Variants in EIPR1 observed in about 807,000 individuals in gnomAD.
The protein encoded by EIPR1 is EARP and GARP complex-interacting protein 1.
Under a neutral mutation model 48.1 loss-of-function variants are expected in EIPR1, and 25 were observed. The observed-to-expected ratio is 0.52, with a 90% CI of 0.38 to 0.73. EIPR1 has a LOEUF of 0.73. Ranked by LOEUF, EIPR1 falls within the 30% of genes least tolerant of loss-of-function variation. The probability of loss-of-function intolerance (pLI) is 0.00; values close to 1 mark genes in which losing one functional copy is unlikely to be tolerated. For synonymous variants in EIPR1, 204 were observed against 201.9 expected, an observed-to-expected ratio of 1.01 and a Z score of -0.09; for missense variants, 415 against 506.2, an observed-to-expected ratio of 0.82 and a Z score of 1.73.
intron 3 of EIPR1, among the ~76,000 whole-genome samples, chr2:3,264,802 C>T (rs1667437908): frequency 6.6e-6 from 1 of 152,198 alleles, no homozygotes; most frequent in Non-Finnish European, 1.5e-5. Flanking sequence ...ATTCTCCTGC[C>T]TCAGCCTCCT....
At chr2:3,190,283 A>C (rs1362670573) in intron 8 of EIPR1, among the ~76,000 whole-genome samples, 1 of 152,140 alleles carries the variant, frequency 6.6e-6, no homozygotes, top group Non-Finnish European at 1.5e-5. Context: ...TTTACTTCCC[A>C]TTTCACAAAA....
chr2:3,208,889 C>T, intron 5 of EIPR1: 6 of 1,549,210 alleles, frequency 3.9e-6, no homozygotes, highest in Non-Finnish European at 5.2e-6. Flanking sequence ...CCCACAAGGC[C>T]TCCAGCCTGG....
intron 5 of EIPR1, chr2:3,208,658 C>T (rs1279762460): frequency 6.4e-7 from 1 of 1,550,660 alleles, no homozygotes; most frequent in Non-Finnish European, 8.7e-7. Context: ...ATATGGCTGA[C>T]TTCTTGCAGT....
intron 5 of EIPR1, among the ~76,000 whole-genome samples, chr2:3,201,629 G>C (rs1260468450): frequency 6.6e-6 from 1 of 152,184 alleles, no homozygotes; most frequent in Non-Finnish European, 1.5e-5. Flanking sequence ...GAGCCAAGGA[G>C]AGGGTCCCCC....
At chr2:3,257,245 C>T (rs961315225) in intron 4 of EIPR1, 54 bp downstream of exon 4, 1 of 1,570,804 alleles carries the variant, frequency 6.4e-7, no homozygotes. Context: ...CAAGCTCCTG[C>T]ACCTGGCCAA....
intron 3 of EIPR1, among the ~76,000 whole-genome samples, chr2:3,307,733 T>C (rs1488027909): frequency 1.3e-5 from 2 of 152,242 alleles, no homozygotes; most frequent in Non-Finnish European, 2.9e-5. Flanking sequence ...TGGTGAATGG[T>C]ATAAACATAG....
chr2:3,348,098 A>C (rs1670458732), intron 2 of EIPR1, among the ~76,000 whole-genome samples: 1 of 152,186 alleles, frequency 6.6e-6, no homozygotes, highest in Non-Finnish European at 1.5e-5. Flanking sequence ...AGTTGTCACC[A>C]ATCAGAGGCG....
intron 3 of EIPR1, among the ~76,000 whole-genome samples, chr2:3,289,754 C>T (rs1267337265): frequency 6.6e-6 from 1 of 152,232 alleles, no homozygotes; most frequent in Non-Finnish European, 1.5e-5. Flanking sequence ...ATACGCAATT[C>T]ACACTTAGTG....
Position 3,227,157 on chromosome 2 carries a change from C to CAAA in EIPR1, c.417-12910_417-12909insTTT, listed in dbSNP as rs1553283695. On this transcript the variant is annotated intron_variant, in intron 4 of 8. Transcript: ENST00000382125. Reference sequence around the variant, plus strand: ...AGAGGTTGGAACAGTTTGGAGAGCTCAGAAGACAGGAAAATGTGGAAAAGT... The same window carrying CAAA: ...AGAGGTTGGAACAGTTTGGAGAGCTCAAAAGAAGACAGGAAAATGTGGAAAAGT... Among the ~76,000 whole-genome samples the CAAA allele has an allele frequency of 6.2e-3, 938 of 152,022 alleles. 7 individuals carry two copies. Among genetic ancestry groups the CAAA allele is most frequent in the Non-Finnish European group, 0.011 (760 of 67,976 alleles).
chr2:3,209,233 A>G (rs886698945), intron 5 of EIPR1, among the ~76,000 whole-genome samples: 14 of 151,964 alleles, frequency 9.2e-5, no homozygotes, highest in African/African-American at 3.1e-4. Flanking sequence ...TGCCTCATTC[A>G]CCCCAGACCT....
intron 3 of EIPR1, among the ~76,000 whole-genome samples, chr2:3,314,431 T>A (rs911371094): frequency 6.6e-6 from 1 of 152,198 alleles, no homozygotes; most frequent in Non-Finnish European, 1.5e-5. Flanking sequence ...ACATTTATTA[T>A]TTTTAAGGCT....
intron 2 of EIPR1, among the ~76,000 whole-genome samples, chr2:3,348,759 G>A (rs1248672433): frequency 6.6e-6 from 1 of 152,254 alleles, no homozygotes; most frequent in Non-Finnish European, 1.5e-5. Flanking sequence ...GCGAGGACCT[G>A]AGGCAACACC....
intron 3 of EIPR1, among the ~76,000 whole-genome samples, chr2:3,333,287 C>T (rs1190913274): frequency 2.0e-5 from 3 of 152,202 alleles, no homozygotes; most frequent in African/African-American, 7.2e-5. Context: ...CAGTGTGGCA[C>T]AATAAACAGA....
rs115050755 is a variant in EIPR1 at position 3,190,546 on chromosome 2, G to A, written c.990-1038C>T. Among the ~76,000 whole-genome samples the A allele has an allele frequency of 6.3e-3, 957 of 152,220 alleles. 12 individuals are homozygous for A. Among genetic ancestry groups the A allele is most frequent in the African/African-American group, 0.022 (893 of 41,528 alleles). ...CTGAGGGATGTCCTAAGAAGTCTGC[G>A]TAGCCCCGATCACCTCCTCCCTTCC... On this transcript the variant is annotated intron_variant, in intron 8 of 8. Transcript: ENST00000382125.
At chr2:3,194,224 G>T in intron 6 of EIPR1, 58 bp from the exon 7 acceptor site, 1 of 1,591,184 alleles carries the variant, frequency 6.3e-7, no homozygotes, top group Non-Finnish European at 8.6e-7. Flanking sequence ...AAAAGCCACT[G>T]CGTGCTGCGG....
chr2:3,274,385 A>G, intron 3 of EIPR1: 1 of 1,550,590 alleles, frequency 6.4e-7, no homozygotes, highest in Non-Finnish European at 8.7e-7. Context: ...TCCCAAGAGC[A>G]CCAAAGGAAT....
chr2:3,300,269 C>T (rs768185705), intron 3 of EIPR1, among the ~76,000 whole-genome samples: 3 of 152,186 alleles, frequency 2.0e-5, no homozygotes, highest in African/African-American at 4.8e-5. Context: ...TCCATTAAAA[C>T]GACAGTTTCC....
chr2:3,319,917 T>A (rs868180522), intron 3 of EIPR1: 1 of 79,238 alleles, frequency 1.3e-5, no homozygotes, highest in Admixed American at 1.5e-4. Context: ...ACCGCACCTG[T>A]GGGCAGGGCA....
At chr2:3,231,403 C>T (rs993966448) in intron 4 of EIPR1, among the ~76,000 whole-genome samples, 3 of 152,184 alleles carry the variant, frequency 2.0e-5, no homozygotes, top group African/African-American at 7.2e-5. Flanking sequence ...CAAGAGTGGG[C>T]ATCCTTGTCT....
Sources: gnomAD v4.1 joint callset for allele counts (sites outside exome capture counted in the v4.1 genomes callset) on GRCh38, gnomAD v4.1.1 for gene constraint, MANE v1.5 for transcripts, NCBI Gene and HGNC (gene_info 2026-07-23, HGNC 2026-07-21) for gene names.